PRKCE: variants seen among roughly 807,000 people sequenced by gnomAD.
PRKCE encodes the protein protein kinase C epsilon.
A neutral mutation model predicts 85.4 loss-of-function variants in PRKCE; 16 were observed. The observed-to-expected ratio is 0.19, with a 90% CI of 0.13 to 0.28. PRKCE has a LOEUF of 0.28. Ranked by LOEUF, PRKCE falls within the 10% of genes least tolerant of loss-of-function variation. PRKCE has a pLI of 1.00. For missense variants in PRKCE, 573 were observed against 975.2 expected (o/e 0.59, Z 5.49); for synonymous variants, 388 against 371.5 (o/e 1.04, Z -0.51).
chr2:45,842,086 C>T (rs908268863), intron 1 of PRKCE, among the ~76,000 whole-genome samples: 4 of 152,064 alleles, frequency 2.6e-5, no homozygotes, highest in African/African-American at 9.7e-5. Flanking sequence ...ATAGAGAGAA[C>T]ACAGTTTCTG....
At chr2:45,795,189 G>A (rs1050056114) in intron 1 of PRKCE, among the ~76,000 whole-genome samples, 5 of 152,268 alleles carry the variant, frequency 3.3e-5, no homozygotes, top group African/African-American at 4.8e-5. Flanking sequence ...TGGCATGGGC[G>A]TGTCGTGGAG....
chr2:45,681,203 C>T (rs925042017), intron 1 of PRKCE, among the ~76,000 whole-genome samples: 3 of 137,170 alleles, frequency 2.2e-5, no homozygotes, highest in Non-Finnish European at 3.0e-5. Context: ...GCAGGAGAAG[C>T]GCTTGAACCC....
chr2:46,121,102 T>C (rs1673272957), intron 11 of PRKCE, among the ~76,000 whole-genome samples: 1 of 152,230 alleles, frequency 6.6e-6, no homozygotes, highest in South Asian at 2.1e-4. Context: ...TCTTTTGAGA[T>C]AAATTGTGTT....
At chr2:45,856,744 ACT>A (rs1397162805) in intron 2 of PRKCE, among the ~76,000 whole-genome samples, 1 of 151,524 alleles carries the variant, frequency 6.6e-6, no homozygotes, top group African/African-American at 2.4e-5. Flanking sequence ...CCACTATTTT[ACT>A]CTCTTCTTCT....
At chr2:45,923,324 G>C (rs752946284) in intron 2 of PRKCE, among the ~76,000 whole-genome samples, 12 of 152,224 alleles carry the variant, frequency 7.9e-5, no homozygotes, top group Non-Finnish European at 1.2e-4. Flanking sequence ...TGTGGAGTAT[G>C]TAACCAGGCA....
At chr2:45,995,093 C>T (rs1000484622) in intron 6 of PRKCE, among the ~76,000 whole-genome samples, 13 of 152,196 alleles carry the variant, frequency 8.5e-5, no homozygotes, top group Middle Eastern at 3.4e-3. Flanking sequence ...TCTTCTTTGG[C>T]GAGGTGTATG....
intron 2 of PRKCE, among the ~76,000 whole-genome samples, chr2:45,944,187 C>T (rs1700076749): frequency 6.6e-6 from 1 of 152,212 alleles, no homozygotes; most frequent in African/African-American, 2.4e-5. Context: ...TCATTTCTTC[C>T]CTCCATTCTG....
intron 1 of PRKCE, among the ~76,000 whole-genome samples, chr2:45,672,689 G>A (rs1676232435): frequency 6.6e-6 from 1 of 152,138 alleles, no homozygotes; most frequent in South Asian, 2.1e-4. Flanking sequence ...CCATTTGTCT[G>A]TCCCTCAGTG....
rs778702630 is a variant in PRKCE, at chr2:45,652,106, A to G, written c.6A>G (p.Val2=). M[V]VFNGLLKIKI... is the part of the protein sequence containing the mutation. ...CCCCACTCCCCGCCCCGACCATGGT[A>G]GTGTTCAATGGCCTTCTTAAGATCA... is the stretch of plus-strand genomic sequence containing the variant. Residue 2 remains valine, a synonymous_variant, in exon 1 of 15, where the codon GTA becomes GTG. Coordinates refer to ENST00000306156, the MANE Select transcript of PRKCE (RefSeq NM_005400.3). The surrounding 1 kb of genome is among the most constrained non-coding windows in gnomAD (Gnocchi z 7.7). 3 of 1,484,662 alleles carry G rather than the reference A, an allele frequency of 2.0e-6. No individual in the cohort carries two copies. Among genetic ancestry groups the G allele is most frequent in the East Asian group, 2.3e-5 (1 of 43,572 alleles). 92.0% of individuals were successfully genotyped at this position (1,484,662 alleles called of 1,614,324 possible). A position where few individuals can be genotyped will look rare whatever the true frequency, so the allele number is the denominator to read the frequency against.
chr2:45,933,558 C>A (rs1329146514), intron 2 of PRKCE, among the ~76,000 whole-genome samples: 1 of 149,078 alleles, frequency 6.7e-6, no homozygotes, highest in South Asian at 2.2e-4. Context: ...ACTGCAAGCT[C>A]CACCTCCCGG....
chr2:45,732,284 G>T (rs1306676198), intron 1 of PRKCE, among the ~76,000 whole-genome samples: 1 of 152,108 alleles, frequency 6.6e-6, no homozygotes, highest in Admixed American at 6.5e-5. Context: ...CTATAGGTGA[G>T]CCCTGAATGC....
intron 2 of PRKCE, among the ~76,000 whole-genome samples, chr2:45,947,711 T>C (rs1023763369): frequency 6.6e-6 from 1 of 152,216 alleles, no homozygotes; most frequent in African/African-American, 2.4e-5. Flanking sequence ...GATATTTTGC[T>C]TAATTATTTT....
At chr2:46,179,435 G>C (rs1047870916) in intron 14 of PRKCE, among the ~76,000 whole-genome samples, 1 of 152,108 alleles carries the variant, frequency 6.6e-6, no homozygotes, top group Non-Finnish European at 1.5e-5. Flanking sequence ...GTCTCTGAGA[G>C]GGATCTGGAC....
intron 1 of PRKCE, among the ~76,000 whole-genome samples, chr2:45,696,756 C>T (rs1361109998): frequency 6.6e-6 from 1 of 152,174 alleles, no homozygotes; most frequent in African/African-American, 2.4e-5. Context: ...CACATTGTTC[C>T]ACAGAGTGAA....
At chr2:45,726,443 C>T (rs1204192608) in intron 1 of PRKCE, among the ~76,000 whole-genome samples, 3 of 152,162 alleles carry the variant, frequency 2.0e-5, no homozygotes, top group Admixed American at 1.3e-4. Context: ...CATCGAGGCA[C>T]GATTCCCCAG....
chr2:45,892,313 G>A (rs1695784000), intron 2 of PRKCE, among the ~76,000 whole-genome samples: 1 of 152,150 alleles, frequency 6.6e-6, no homozygotes, highest in Admixed American at 6.5e-5. Flanking sequence ...TGAAGCCACT[G>A]GACAGCATTC....
chr2:46,034,365 T>G lies in PRKCE; in HGVS notation c.1437+23848T>G, dbSNP rs528353115. ...CCCATAGCAAGCATTTAATAAATGA[T>G]AGTGGTGATTAGGGCTCTTCCCCCT... is the stretch of plus-strand genomic sequence containing the variant. On this transcript the variant is annotated intron_variant, in intron 10 of 14. Transcript: ENST00000306156. Among the ~76,000 whole-genome samples the G allele has an allele frequency of 6.6e-5, 10 of 152,276 alleles. No individual in the cohort carries two copies. The South Asian group carries it at 2.1e-3, about 32-fold the overall frequency.
intron 6 of PRKCE, among the ~76,000 whole-genome samples, chr2:45,994,525 A>G (rs1465518586): frequency 1.3e-5 from 2 of 152,176 alleles, no homozygotes. Context: ...AATGTCCTAT[A>G]GTTGGAATGA....
chr2:46,077,698 G>A (rs983199518), intron 10 of PRKCE, among the ~76,000 whole-genome samples: 2 of 152,274 alleles, frequency 1.3e-5, no homozygotes, highest in South Asian at 2.1e-4. Flanking sequence ...TTATTACATA[G>A]GAACATTGAC....
Sources: allele counts gnomAD v4.1 joint callset (sites outside exome capture counted in the v4.1 genomes callset), GRCh38; gene constraint gnomAD v4.1.1; non-coding constraint Gnocchi (gnomAD v3.1); transcripts MANE v1.5; gene names NCBI Gene and HGNC (gene_info 2026-07-23, HGNC 2026-07-21).